Variants in PCDHGB4 observed in about 807,000 individuals in gnomAD.
PCDHGB4 encodes protocadherin gamma subfamily B, 4.
In PCDHGB4, 38 loss-of-function variants were observed where a neutral mutation model predicts 60.5. The observed-to-expected ratio is 0.63, with a 90% CI of 0.48 to 0.82. PCDHGB4 has a LOEUF of 0.82. Among genes scored for constraint, PCDHGB4 ranks in the 40% least tolerant of loss-of-function variants. PCDHGB4 has a pLI of 0.00. For synonymous variants in PCDHGB4, 456 were observed against 509.7 expected (o/e 0.89, Z 1.42); for missense variants, 1,109 against 1,209.6 (o/e 0.92, Z 1.23).
At chr5:141,419,588 A>T in intron 1 of PCDHGB4, 1 of 1,611,830 alleles carries the variant, frequency 6.2e-7, no homozygotes, top group East Asian at 2.2e-5. Flanking sequence ...GCTCTTCGAC[A>T]CAGTGCCGCG....
At chr5:141,415,255 A>G (rs908329007) in intron 1 of PCDHGB4, 1 of 1,613,620 alleles carries the variant, frequency 6.2e-7, no homozygotes, top group African/African-American at 1.3e-5. Context: ...CTCAGACCTC[A>G]CTCTGTACCT....
chr5:141,396,725 T>A (rs1432052825), intron 1 of PCDHGB4: 2 of 152,198 alleles, frequency 1.3e-5, no homozygotes, highest in East Asian at 3.8e-4. Flanking sequence ...AATACCTGAA[T>A]TGATTGTTGT....
chr5:141,463,764 G>A (rs2099069094), intron 1 of PCDHGB4, among the ~76,000 whole-genome samples: 1 of 151,916 alleles, frequency 6.6e-6, no homozygotes. Flanking sequence ...TTCTCTTATG[G>A]GTTAGAATCC....
chr5:141,439,443 G>A (rs867907022), intron 1 of PCDHGB4, among the ~76,000 whole-genome samples: 1 of 152,164 alleles, frequency 6.6e-6, no homozygotes, highest in Non-Finnish European at 1.5e-5. Flanking sequence ...ATATTTTATT[G>A]CGGGAGCAAG....
intron 1 of PCDHGB4, chr5:141,393,176 A>G: frequency 1.9e-6 from 3 of 1,613,294 alleles, no homozygotes; most frequent in East Asian, 2.2e-5. Context: ...GGGTAGAAAT[A>G]GAAATAATTG....
rs766038218 is a variant in PCDHGB4 at position 141,398,581 on chromosome 5, T to C, written c.2397+8300T>C. The stretch of plus-strand genomic sequence containing the variant: ...TGAGTCTGCACAGCCTGGCACAAGA[T>C]TTATACTAGAAGTAGCAGAAGATGC... On this transcript the variant is annotated intron_variant, in intron 1 of 3. Transcript: ENST00000519479. The C allele has an allele frequency of 1.2e-5, 20 of 1,614,028 alleles. No individual in the cohort carries two copies. In the Admixed American group the frequency reaches 2.2e-4, roughly 17 times the overall value.
Position 141,486,087 on chromosome 5 carries a change from T to G in PCDHGB4, c.2398-8720T>G. 4 of 1,614,176 alleles carry G rather than the reference T, an allele frequency of 2.5e-6. No individual in the cohort carries two copies. The highest frequency in any genetic ancestry group is 3.4e-6 in the Non-Finnish European group (4 of 1,180,028). ...CCCACTACTGGAAAGCTTACTCTTT[T>G]GGGGCCCCTAGACTTTGAGAGTGAG... On this transcript the variant is annotated intron_variant, in intron 1 of 3. Coordinates refer to ENST00000519479, the MANE Select transcript of PCDHGB4 (RefSeq NM_003736.4). This position sits in a 1 kb window ranked among gnomAD's most constrained non-coding sequence, Gnocchi z 5.0.
intron 1 of PCDHGB4, among the ~76,000 whole-genome samples, chr5:141,406,629 A>G (rs2094832755): frequency 6.6e-6 from 1 of 152,188 alleles, no homozygotes; most frequent in Non-Finnish European, 1.5e-5. Context: ...TCATATCTTC[A>G]AAGGTCTTAA....
At chr5:141,415,264 C>G (rs1342050986) in intron 1 of PCDHGB4, 2 of 1,614,210 alleles carry the variant, frequency 1.2e-6, no homozygotes, top group Non-Finnish European at 1.7e-6. Flanking sequence ...CACTCTGTAC[C>G]TGGTGGTAGC....
intron 1 of PCDHGB4, chr5:141,399,681 C>A (rs2093865042): frequency 1.2e-6 from 2 of 1,613,408 alleles, no homozygotes; most frequent in Non-Finnish European, 1.7e-6. Flanking sequence ...CCTTTGACTA[C>A]GAGCAGCTGC....
intron 1 of PCDHGB4, chr5:141,428,207 T>G (rs1213295979): frequency 7.6e-7 from 1 of 1,308,340 alleles, no homozygotes; most frequent in African/African-American, 1.4e-5. Context: ...GCCGCTACGC[T>G]TCACCTAGTC....
At chr5:141,409,081 A>G (rs1220843821) in intron 1 of PCDHGB4, 3 of 1,613,820 alleles carry the variant, frequency 1.9e-6, no homozygotes, top group Non-Finnish European at 2.5e-6. Context: ...ATATGTTCTC[A>G]TTGGATGAGA....
intron 1 of PCDHGB4, among the ~76,000 whole-genome samples, chr5:141,467,075 C>A (rs2099136382): frequency 6.9e-6 from 1 of 145,470 alleles, no homozygotes; most frequent in Non-Finnish European, 1.5e-5. Flanking sequence ...TTTTTTTAGA[C>A]CAAGTCTCAC....
In PCDHGB4 at chr5:141,402,356, T is replaced by C. The variant is rs183915738; in HGVS notation, c.2397+12075T>C. Among the ~76,000 whole-genome samples, 46 of 152,098 alleles carry C rather than the reference T, an allele frequency of 3.0e-4. 1 individual carries two copies. Among genetic ancestry groups the C allele is most frequent in the African/African-American group, 1.0e-3 (43 of 41,550 alleles). On this transcript the variant is annotated intron_variant, in intron 1 of 3. Coordinates refer to ENST00000519479, the MANE Select transcript of PCDHGB4 (RefSeq NM_003736.4). ...TATAGGTATAAAAATTAAAAATGAA[T>C]GTACTTCCAAACAAGATTGCACATA...
Position 141,421,478 on chromosome 5 carries a change from G to A in PCDHGB4, c.2397+31197G>A, listed in dbSNP as rs763769838. The A allele has an allele frequency of 2.5e-6, 4 of 1,614,012 alleles. No individual in the cohort carries two copies. In the African/African-American group the frequency reaches 4.0e-5, roughly 16 times the overall value. On this transcript the variant is annotated intron_variant, in intron 1 of 3. Coordinates refer to ENST00000519479, the MANE Select transcript of PCDHGB4 (RefSeq NM_003736.4). ...TTCGCTGTGAATCCGCGAAGCGGCA[G>A]CTTGATCACGGCAGGCAGGATAGAC... is the stretch of plus-strand genomic sequence containing the variant.
In PCDHGB4 at chr5:141,489,163, C is replaced by T. The variant is rs2099683398; in HGVS notation, c.2398-5644C>T. 1 of 1,060,592 alleles carries T rather than the reference C, an allele frequency of 9.4e-7. No individual in the cohort carries two copies. Among genetic ancestry groups the T allele is most frequent in the Admixed American group, 2.4e-5 (1 of 41,724 alleles). The allele number at this position is 1,060,592 out of a possible 1,614,324, so 65.7% of individuals were successfully genotyped here. On this transcript the variant is annotated intron_variant, in intron 1 of 3. Coordinates refer to ENST00000519479, the MANE Select transcript of PCDHGB4 (RefSeq NM_003736.4). This position sits in a 1 kb window ranked among gnomAD's most constrained non-coding sequence, Gnocchi z 4.5. ...TGGAAGGAGACATAAGAGACTTCAGCTGCTGCATTCCAAGCCCTGGGTCTA... is the reference window on the plus strand; with the variant it reads ...TGGAAGGAGACATAAGAGACTTCAGTTGCTGCATTCCAAGCCCTGGGTCTA...
Position 141,413,878 on chromosome 5 carries a change from A to G in PCDHGB4, c.2397+23597A>G, listed in dbSNP as rs752517949. ...ATCTGGCACTGTCCTTGTCAGTGTGACTGTCTTCGATGCAAATGACAACGC... is the reference window on the plus strand; with the variant it reads ...ATCTGGCACTGTCCTTGTCAGTGTGGCTGTCTTCGATGCAAATGACAACGC... On this transcript the variant is annotated intron_variant, in intron 1 of 3. Coordinates refer to ENST00000519479, the MANE Select transcript of PCDHGB4 (RefSeq NM_003736.4). 2.5e-6 allele frequency: 4 copies of G among 1,613,272 alleles called. No individual in the cohort carries two copies. The South Asian group carries it at 3.3e-5, about 13-fold the overall frequency.
chr5:141,489,096 ACT>A lies in PCDHGB4; in HGVS notation c.2398-5710_2398-5709del. The A allele has an allele frequency of 2.0e-6, 1 of 494,278 alleles. No individual in the cohort carries two copies. The allele number at this position is 494,278 out of a possible 1,614,324, so 30.6% of individuals were successfully genotyped here. A position where few individuals can be genotyped will look rare whatever the true frequency, so the allele number is the denominator to read the frequency against. ...CACCCCCGCCACTCGGTGACTAAGA[ACT>A]GCTGCAAGCAGGCAAACCTCCGAGC... On this transcript the variant is annotated intron_variant, in intron 1 of 3. Coordinates refer to ENST00000519479, the MANE Select transcript of PCDHGB4 (RefSeq NM_003736.4). The surrounding 1 kb of genome is among the most constrained non-coding windows in gnomAD (Gnocchi z 4.5).
chr5:141,400,483 C>T (rs748464990), intron 1 of PCDHGB4: 1 of 1,614,020 alleles, frequency 6.2e-7, no homozygotes, highest in South Asian at 1.1e-5. Flanking sequence ...GGCCTTATTT[C>T]CACTTTGTAA....
Sources: gnomAD v4.1 joint callset for allele counts (sites outside exome capture counted in the v4.1 genomes callset) on GRCh38, gnomAD v4.1.1 for gene constraint, Gnocchi (gnomAD v3.1) non-coding constraint, MANE v1.5 for transcripts, NCBI Gene and HGNC (gene_info 2026-07-23, HGNC 2026-07-21) for gene names.